Variants in NBEA observed in about 807,000 individuals in gnomAD.
NBEA encodes lysosomal-trafficking regulator 2.
A neutral mutation model predicts 343.4 loss-of-function variants in NBEA; 44 were observed. The observed-to-expected ratio is 0.13, with a 90% CI of 0.10 to 0.16. The LOEUF (loss-of-function observed/expected upper bound fraction) is 0.16. NBEA is among the 10% of genes least tolerant of loss of function. The probability of loss-of-function intolerance (pLI) is 1.00; values close to 1 mark genes in which losing one functional copy is unlikely to be tolerated. For synonymous variants in NBEA, 1,175 were observed against 1,238.7 expected, an observed-to-expected ratio of 0.95 and a Z score of 1.08; for missense variants, 2,555 against 3,631.3, an observed-to-expected ratio of 0.70 and a Z score of 7.62.
At chr13:35,464,185 C>G (rs972883230) in intron 40 of NBEA, among the ~76,000 whole-genome samples, 1 of 151,996 alleles carries the variant, frequency 6.6e-6, no homozygotes, top group Non-Finnish European at 1.5e-5. Context: ...AAAGGGTAAA[C>G]CCCAGTGCTC....
intron 18 of NBEA, among the ~76,000 whole-genome samples, chr13:35,153,545 T>A (rs1486002587): frequency 6.6e-6 from 1 of 152,222 alleles, no homozygotes; most frequent in East Asian, 1.9e-4. Flanking sequence ...TATATGTTTG[T>A]CATTTTAAAA....
intron 30 of NBEA, among the ~76,000 whole-genome samples, chr13:35,195,585 C>T (rs143178937): frequency 3.0e-4 from 45 of 151,760 alleles, no homozygotes; most frequent in Middle Eastern, 3.4e-3. Flanking sequence ...TTAGTAGAGA[C>T]GGGGTTTCGC....
intron 30 of NBEA, among the ~76,000 whole-genome samples, chr13:35,188,804 A>G (rs1208270359): frequency 3.3e-5 from 5 of 151,660 alleles, no homozygotes; most frequent in African/African-American, 9.7e-5. Flanking sequence ...AAGAATCTCA[A>G]TACCATTTTC....
intron 48 of NBEA, among the ~76,000 whole-genome samples, chr13:35,609,125 G>A (rs1450157760): frequency 6.6e-6 from 1 of 152,146 alleles, no homozygotes; most frequent in African/African-American, 2.4e-5. Flanking sequence ...GCTTAAATAT[G>A]CATTAAAGAA....
intron 17 of NBEA, among the ~76,000 whole-genome samples, chr13:35,126,407 A>G (rs1593434500): frequency 6.6e-6 from 1 of 152,184 alleles, no homozygotes; most frequent in African/African-American, 2.4e-5. Flanking sequence ...GAAGTATTTA[A>G]TTATGAGTTA....
At chr13:35,609,732 G>A (rs866387682) in intron 48 of NBEA, among the ~76,000 whole-genome samples, 3 of 152,102 alleles carry the variant, frequency 2.0e-5, no homozygotes, top group Non-Finnish European at 2.9e-5. Context: ...CTTATCTTGC[G>A]TTACCAATAG....
chr13:35,511,011 A>T (rs2077254538), intron 41 of NBEA, among the ~76,000 whole-genome samples: 1 of 152,182 alleles, frequency 6.6e-6, no homozygotes, highest in Admixed American at 6.6e-5. Flanking sequence ...TAAGTAGAAA[A>T]CATGAAAATA....
At chr13:35,155,100 A>C (rs1262330725) in intron 18 of NBEA, among the ~76,000 whole-genome samples, 1 of 142,492 alleles carries the variant, frequency 7.0e-6, no homozygotes, top group Non-Finnish European at 1.5e-5. Context: ...GCTGCAGTCC[A>C]GCCTGGGGGT....
chr13:35,071,683 G>A (rs532158706), intron 10 of NBEA, among the ~76,000 whole-genome samples: 1 of 151,910 alleles, frequency 6.6e-6, no homozygotes, highest in African/African-American at 2.4e-5. Flanking sequence ...GCTCCTTAAT[G>A]GGTTATCTAA....
chr13:34,956,964 A>G (rs1050952504), intron 1 of NBEA, among the ~76,000 whole-genome samples: 3 of 151,960 alleles, frequency 2.0e-5, no homozygotes, highest in African/African-American at 7.3e-5. Flanking sequence ...AGTAATTTCT[A>G]CAGGACTCAG....
chr13:35,063,486 C>G (rs2063537982), intron 8 of NBEA, among the ~76,000 whole-genome samples: 1 of 152,006 alleles, frequency 6.6e-6, no homozygotes, highest in Admixed American at 6.6e-5. Context: ...GCTTACTTCA[C>G]AGATTAAAGA....
At chr13:35,108,186 G>A (rs1252798151) in intron 11 of NBEA, among the ~76,000 whole-genome samples, 1 of 151,968 alleles carries the variant, frequency 6.6e-6, no homozygotes, top group East Asian at 1.9e-4. Flanking sequence ...AAGATGTGTT[G>A]TGTGATGTGT....
intron 47 of NBEA, 84 bp downstream of exon 47, chr13:35,593,531 T>A: frequency 1.0e-6 from 1 of 981,062 alleles, no homozygotes; most frequent in Non-Finnish European, 1.5e-6. Flanking sequence ...GTATAAGACA[T>A]TTTATATTGC....
chr13:35,517,591 G>A (rs1196663337), intron 41 of NBEA, among the ~76,000 whole-genome samples: 2 of 152,038 alleles, frequency 1.3e-5, no homozygotes, highest in Non-Finnish European at 2.9e-5. Flanking sequence ...TTAGCCTATT[G>A]GAGTTTATCT....
At chr13:35,519,927 T>C (rs983856506) in intron 41 of NBEA, among the ~76,000 whole-genome samples, 2 of 152,178 alleles carry the variant, frequency 1.3e-5, no homozygotes, top group African/African-American at 4.8e-5. Flanking sequence ...TCCCCACACC[T>C]CCTTCCCATC....
rs538022120 is a variant in NBEA, at chr13:35,440,821, T to A, written c.6304+8428T>A. ...ACCAGTCTCTTACTCTACAGTGTGT[T>A]GTAGTAAATACATTTGGAATTTCCT... On this transcript the variant is annotated intron_variant, in intron 39 of 58. Transcript: ENST00000379939. Among the ~76,000 whole-genome samples the A allele has an allele frequency of 2.8e-3, 421 of 152,306 alleles. 2 individuals are homozygous for A. The highest frequency in any genetic ancestry group is 9.7e-3 in the African/African-American group (405 of 41,584).
At chr13:35,519,552 G>C (rs777346675) in intron 41 of NBEA, among the ~76,000 whole-genome samples, 1 of 151,938 alleles carries the variant, frequency 6.6e-6, no homozygotes, top group Non-Finnish European at 1.5e-5. Context: ...TTTTAACATA[G>C]TTTTGGCCTT....
chr13:35,504,355 A>G (rs1205073321), intron 41 of NBEA, among the ~76,000 whole-genome samples: 4 of 152,138 alleles, frequency 2.6e-5, no homozygotes, highest in Non-Finnish European at 4.4e-5. Context: ...ACATCTAACC[A>G]GTTCTTAACT....
intron 54 of NBEA, 81 bp from the exon 55 acceptor site, chr13:35,655,498 T>TA: frequency 1.4e-6 from 2 of 1,381,472 alleles, no homozygotes; most frequent in Non-Finnish European, 1.9e-6. Context: ...TAAAATTTTT[T>TA]AAAAAATCTG....
Sources: allele counts gnomAD v4.1 joint callset (sites outside exome capture counted in the v4.1 genomes callset), GRCh38; gene constraint gnomAD v4.1.1; transcripts MANE v1.5; gene names NCBI Gene and HGNC (gene_info 2026-07-23, HGNC 2026-07-21).